The following NIPSNAP3A variants were observed in gnomAD, a reference collection of about 807,000 sequenced individuals.
NIPSNAP3A encodes nipsnap homolog 3A.
Under a neutral mutation model 32.3 loss-of-function variants are expected in NIPSNAP3A, and 27 were observed. The ratio of observed to expected loss-of-function variants is 0.84; its 90% CI spans 0.62 to 1.15. The LOEUF is 1.15. Among genes scored for constraint, NIPSNAP3A ranks in the 50% most tolerant of loss-of-function variants. NIPSNAP3A has a pLI of 0.00. For missense variants in NIPSNAP3A, 278 were observed against 297.2 expected (o/e 0.94, Z 0.48); for synonymous variants, 108 against 107.3 (o/e 1.01, Z -0.04).
chr9:104,751,076 C>G lies in NIPSNAP3A; in HGVS notation c.181C>G (p.His61Asp), dbSNP rs1466576096. The change falls in exon 2 of 6, where the codon CAT becomes GAT. Residue 61 changes from histidine (H) to aspartate (D), a missense_variant. Physicochemically the swap from His to Asp is moderately conservative, Grantham distance 81. Transcript: ENST00000374767. ...EFLENFEKNA[H>D]LRTAHSELVG... is the part of the protein sequence containing the mutation. ...CCTGGAAAATTTTGAGAAAAACGCTCATCTTCGGACAGCTCACTCTGAATT... is the reference window on the plus strand; with the variant it reads ...CCTGGAAAATTTTGAGAAAAACGCTGATCTTCGGACAGCTCACTCTGAATT... The G allele has an allele frequency of 6.8e-6, 11 of 1,613,886 alleles. No homozygotes were observed. Among genetic ancestry groups the G allele is most frequent in the East Asian group, 2.2e-5 (1 of 44,872 alleles).
rs746079184 is a variant in NIPSNAP3A, at chr9:104,747,861, C to G, written c.60+9C>G. The stretch of plus-strand genomic sequence containing the variant: ...GGACGCTGGCGCCTCAGGTACCGGC[C>G]ACGGGGGTACCCAAGCCTTCACCCG... On this transcript the variant is annotated intron_variant, in intron 1 of 5. Transcript: ENST00000374767. The G allele has an allele frequency of 1.9e-6, 3 of 1,605,534 alleles. No homozygotes were observed. The highest frequency in any genetic ancestry group is 2.5e-6 in the Non-Finnish European group (3 of 1,177,756).
intron 4 of NIPSNAP3A, among the ~76,000 whole-genome samples, chr9:104,754,955 C>A (rs997378954): frequency 5.3e-5 from 8 of 152,054 alleles, no homozygotes; most frequent in African/African-American, 1.9e-4. Context: ...ACTGAAGGAA[C>A]CTCGGCTGGG....
intron 4 of NIPSNAP3A, among the ~76,000 whole-genome samples, chr9:104,756,717 G>T (rs890686210): frequency 7.2e-5 from 11 of 151,924 alleles, no homozygotes; most frequent in African/African-American, 2.7e-4. Context: ...ATGTGTATAG[G>T]TGTGCTAAAT....
chr9:104,758,918 C>T (rs766801152), intron 4 of NIPSNAP3A, among the ~76,000 whole-genome samples, 167 bp from the exon 5 acceptor site: 10 of 138,330 alleles, frequency 7.2e-5, no homozygotes, highest in African/African-American at 1.1e-4. Flanking sequence ...TGCAGTGAGC[C>T]GAGATCGTGC....
At chr9:104,758,154 CATA>C (rs1827927304) in intron 4 of NIPSNAP3A, among the ~76,000 whole-genome samples, 1 of 151,884 alleles carries the variant, frequency 6.6e-6, no homozygotes, top group Admixed American at 6.6e-5. Flanking sequence ...AAGGGGTTGA[CATA>C]ATAAGTTGCT....
chr9:104,755,329 A>T (rs1454719790), intron 4 of NIPSNAP3A, among the ~76,000 whole-genome samples: 1 of 151,304 alleles, frequency 6.6e-6, no homozygotes, highest in Non-Finnish European at 1.5e-5. Context: ...TTGATTTTTT[A>T]AAAATAATAT....
At chr9:104,750,861 A>C (rs1305762357) in intron 1 of NIPSNAP3A, 95 bp from the exon 2 acceptor site, 2 of 949,068 alleles carry the variant, frequency 2.1e-6, no homozygotes, top group South Asian at 2.6e-5. Context: ...TAATGAGTCT[A>C]TGAGTGTCCC....
intron 3 of NIPSNAP3A, chr9:104,754,309 C>T (rs2118755069): frequency 2.6e-6 from 1 of 381,952 alleles, no homozygotes; most frequent in South Asian, 5.5e-5. Context: ...GTTATAATAG[C>T]TTCCAGTTCT....
rs533628889 is a variant in NIPSNAP3A, at chr9:104,757,930, A to T, written c.581-1155A>T. Among the ~76,000 whole-genome samples, 26 of 152,038 alleles carry T rather than the reference A, an allele frequency of 1.7e-4. 1 individual carries two copies. Among genetic ancestry groups the T allele is most frequent in the South Asian group, 1.7e-3 (8 of 4,828 alleles). On this transcript the variant is annotated intron_variant, in intron 4 of 5. Transcript: ENST00000374767. ...TTAAAATTAAAAAATAAAAATACAT[A>T]TATACACAAATATAGAAAGAGATAC...
intron 3 of NIPSNAP3A, 82 bp downstream of exon 3, chr9:104,753,146 G>GA (rs1827866283): frequency 4.4e-6 from 5 of 1,129,454 alleles, no homozygotes; most frequent in East Asian, 2.4e-5. Context: ...AGTTCCTTTG[G>GA]AAAAAAATAA....
At chr9:104,750,110 G>C in intron 1 of NIPSNAP3A, among the ~76,000 whole-genome samples, 1 of 152,162 alleles carries the variant, frequency 6.6e-6, no homozygotes, top group Admixed American at 6.5e-5. Context: ...TTTTCTTCTA[G>C]TAAACATTTT....
At chr9:104,757,741 A>G (rs1827922519) in intron 4 of NIPSNAP3A, among the ~76,000 whole-genome samples, 1 of 152,142 alleles carries the variant, frequency 6.6e-6, no homozygotes, top group Admixed American at 6.5e-5. Context: ...GTTTATTTGT[A>G]TACATATACA....
intron 3 of NIPSNAP3A, chr9:104,754,060 T>C (rs12351593): frequency 0.035 from 5,369 of 153,066 alleles, 195 homozygotes; most frequent in East Asian, 0.22. Context: ...TTCAAAGATA[T>C]CACTTCAGGT....
At chr9:104,756,773 T>C (rs1014557551) in intron 4 of NIPSNAP3A, among the ~76,000 whole-genome samples, 4 of 151,904 alleles carry the variant, frequency 2.6e-5, no homozygotes, top group African/African-American at 9.7e-5. Context: ...ATAGTAGTCA[T>C]ATTTCAGTGA....
chr9:104,759,376 T>C lies in NIPSNAP3A; in HGVS notation c.*38T>C, dbSNP rs777584351. On this transcript the variant is annotated 3_prime_UTR_variant, in exon 6 of 6. Transcript: ENST00000374767. The stretch of plus-strand genomic sequence containing the variant: ...ATACAAAACATTTCATTAACTGCTA[T>C]AGGATCTGTCTGCTAATGGTGCTTA... 25 of 1,584,788 alleles carry C rather than the reference T, an allele frequency of 1.6e-5. No homozygotes were observed. The highest frequency in any genetic ancestry group is 8.1e-5 in the African/African-American group (6 of 74,308).
chr9:104,749,313 G>GT (rs1177926714), intron 1 of NIPSNAP3A, among the ~76,000 whole-genome samples: 2 of 152,172 alleles, frequency 1.3e-5, no homozygotes, highest in African/African-American at 2.4e-5. Context: ...AGCTGCAGCT[G>GT]TTTTTGTTGG....
intron 1 of NIPSNAP3A, 37 bp downstream of exon 1, chr9:104,747,889 G>C: frequency 7.0e-7 from 1 of 1,431,884 alleles, no homozygotes; most frequent in Non-Finnish European, 9.3e-7. Flanking sequence ...TTCACCCGAC[G>C]GGAGGGGAGG....
In NIPSNAP3A at chr9:104,759,615, C is replaced by G. The variant is rs1827949753; in HGVS notation, c.*277C>G. The G allele has an allele frequency of 2.4e-6, 1 of 411,438 alleles. No individual in the cohort carries two copies. The highest frequency in any genetic ancestry group is 4.5e-6 in the Non-Finnish European group (1 of 223,490). The allele number at this position is 411,438 out of a possible 1,614,324, so 25.5% of individuals were successfully genotyped here. On this transcript the variant is annotated 3_prime_UTR_variant, in exon 6 of 6. Transcript: ENST00000374767. ...ACTCTTCATTTGTTTCAGAATAGCT[C>G]TTCTACTGTATTCTGACAACTCTTT...
intron 4 of NIPSNAP3A, 102 bp from the exon 5 acceptor site, chr9:104,758,971 CAAAAAAAAAAAA>C (rs34457398): frequency 3.1e-4 from 124 of 402,556 alleles, no homozygotes; most frequent in East Asian, 2.2e-3. Flanking sequence ...ACTCTTGTTT[CAAAAAAAAAAAA>C]AAAAAAAAAA....
Sources: gnomAD v4.1 joint callset for allele counts (sites outside exome capture counted in the v4.1 genomes callset) on GRCh38, gnomAD v4.1.1 for gene constraint, MANE v1.5 for transcripts, NCBI Gene and HGNC (gene_info 2026-07-23, HGNC 2026-07-21) for gene names.